The following GSK3B variants were observed in gnomAD, a reference collection of about 807,000 sequenced individuals.
GSK3B encodes glycogen synthase kinase 3 beta, also known as glycogen synthase kinase-3 beta.
Under a neutral mutation model 56.4 loss-of-function variants are expected in GSK3B, and 15 were observed. That is an observed-to-expected ratio of 0.27 (90% CI 0.18 to 0.41). GSK3B has a LOEUF of 0.41. Ranked by LOEUF, GSK3B falls within the 10% of genes least tolerant of loss-of-function variation. The probability of loss-of-function intolerance (pLI) is 1.00; values close to 1 mark genes in which losing one functional copy is unlikely to be tolerated. For synonymous variants in GSK3B, 181 were observed against 188.9 expected, an observed-to-expected ratio of 0.96 and a Z score of 0.34; for missense variants, 300 against 513.4, an observed-to-expected ratio of 0.58 and a Z score of 4.02.
chr3:120,065,714 C>T (rs988092801), intron 1 of GSK3B, among the ~76,000 whole-genome samples: 2 of 152,116 alleles, frequency 1.3e-5, no homozygotes, highest in African/African-American at 4.8e-5. Flanking sequence ...ATGAAAATGT[C>T]CATCAACTGA....
At chr3:119,903,524 G>A (rs1014597179) in intron 7 of GSK3B, among the ~76,000 whole-genome samples, 7 of 152,202 alleles carry the variant, frequency 4.6e-5, no homozygotes, top group African/African-American at 1.7e-4. Context: ...GAAATTATCA[G>A]TAACAAAATA....
At chr3:119,948,244 A>C (rs1576221581) in intron 2 of GSK3B, among the ~76,000 whole-genome samples, 2 of 152,218 alleles carry the variant, frequency 1.3e-5, no homozygotes, top group Non-Finnish European at 2.9e-5. Flanking sequence ...ACACCTGAGA[A>C]TCTGGAAAGG....
chr3:120,053,958 C>G (rs1415831611), intron 1 of GSK3B, among the ~76,000 whole-genome samples: 1 of 152,124 alleles, frequency 6.6e-6, no homozygotes, highest in Non-Finnish European at 1.5e-5. Flanking sequence ...ATGTCTTTAT[C>G]AGCAGCATGA....
chr3:119,852,600 C>T (rs111592254), intron 9 of GSK3B, among the ~76,000 whole-genome samples: 5 of 152,182 alleles, frequency 3.3e-5, no homozygotes, highest in South Asian at 2.1e-4. Context: ...TGCTCACCCC[C>T]GCCTCCCAAA....
intron 1 of GSK3B, among the ~76,000 whole-genome samples, chr3:120,073,818 T>C (rs946674902): frequency 6.6e-6 from 1 of 152,072 alleles, no homozygotes; most frequent in Non-Finnish European, 1.5e-5. Context: ...AAGACTGTGA[T>C]GAAAATTAAA....
intron 1 of GSK3B, among the ~76,000 whole-genome samples, chr3:120,063,727 CAAA>C (rs58811446): frequency 1.2e-4 from 10 of 81,718 alleles, no homozygotes; most frequent in Admixed American, 2.6e-4. Flanking sequence ...GACTCTGTCT[CAAA>C]AAAAAAAAAA....
At chr3:119,838,710 TCTC>T (rs1416721042) in intron 10 of GSK3B, among the ~76,000 whole-genome samples, 1 of 152,200 alleles carries the variant, frequency 6.6e-6, no homozygotes, top group African/African-American at 2.4e-5. Flanking sequence ...TTACATTGGC[TCTC>T]CTTTTTGTTA....
chr3:120,068,975 G>C (rs1174749049), intron 1 of GSK3B, among the ~76,000 whole-genome samples: 2 of 152,004 alleles, frequency 1.3e-5, no homozygotes, highest in African/African-American at 4.8e-5. Flanking sequence ...CCATTCTGCT[G>C]AAATCCAAAT....
At chr3:120,049,614 C>T (rs565618374) in intron 1 of GSK3B, among the ~76,000 whole-genome samples, 1 of 152,224 alleles carries the variant, frequency 6.6e-6, no homozygotes, top group African/African-American at 2.4e-5. Context: ...AGATCTTACA[C>T]CATGATAAAG....
rs115653567 is a variant in GSK3B, at chr3:119,986,537, C to T, written c.282+15509G>A. On this transcript the variant is annotated intron_variant, in intron 2 of 10. Coordinates refer to ENST00000264235, the MANE Select transcript of GSK3B (RefSeq NM_001146156.2). The stretch of plus-strand genomic sequence containing the variant: ...AGTGGGCAACAGATATGAACAGAAA[C>T]TTGTCAAAAGAAGACATCTATGCAG... Among the ~76,000 whole-genome samples, 10 of 151,148 alleles carry T rather than the reference C, an allele frequency of 6.6e-5. No individual in the cohort carries two copies. In the East Asian group the frequency reaches 1.7e-3, roughly 26 times the overall value.
At chr3:119,913,647 A>G (rs941947906) in intron 5 of GSK3B, among the ~76,000 whole-genome samples, 1 of 151,494 alleles carries the variant, frequency 6.6e-6, no homozygotes, top group Non-Finnish European at 1.5e-5. Flanking sequence ...CAAAACAGTA[A>G]AACAGTAAGT....
Position 119,947,281 on chromosome 3 carries a change from G to A in GSK3B, c.353C>T (p.Ser118Phe), listed in dbSNP as rs2057109977. Residue 118 changes from serine to phenylalanine, a missense_variant, in exon 3 of 11, where the codon TCC becomes TTC. This residue lies in a region of GSK3B where 62 missense variants were observed against 84.0 expected (regional missense o/e 0.74). Transcript: ENST00000264235. Reference sequence around the variant, plus strand: ...TGTCAAACCTACCTTCTCACCACTGGAGTAGAAGAAATAACGCAATCGGAC... The same window carrying A: ...TGTCAAACCTACCTTCTCACCACTGAAGTAGAAGAAATAACGCAATCGGAC... The part of the protein sequence containing the change: ...NIVRLRYFFY[S>F]SGEKKDEVYL... The A allele has an allele frequency of 1.3e-6, 2 of 1,574,564 alleles. No individual in the cohort carries two copies. The highest frequency in any genetic ancestry group is 1.3e-5 in the African/African-American group (1 of 74,172).
At chr3:119,895,467 A>G (rs888655732) in intron 7 of GSK3B, among the ~76,000 whole-genome samples, 1 of 152,122 alleles carries the variant, frequency 6.6e-6, no homozygotes, top group Admixed American at 6.6e-5. Context: ...TCATACTGTA[A>G]TTTTATTTTC....
rs554951939 is a variant in GSK3B at position 120,031,725 on chromosome 3, T to C, written c.89-29486A>G. Reference sequence around the variant, plus strand: ...AATATTTAAATCTAAGCCTATACTCTTTCCACTACTTCTTAAGCAACCAGC... The same window carrying C: ...AATATTTAAATCTAAGCCTATACTCCTTCCACTACTTCTTAAGCAACCAGC... On this transcript the variant is annotated intron_variant, in intron 1 of 10. Transcript: ENST00000264235. Among the ~76,000 whole-genome samples, 268 of 152,332 alleles carry C rather than the reference T, an allele frequency of 1.8e-3. 3 individuals are homozygous for C. Among genetic ancestry groups the C allele is most frequent in the South Asian group, 0.013 (63 of 4,826 alleles).
At chr3:119,840,533 T>C (rs1024495969) in intron 10 of GSK3B, among the ~76,000 whole-genome samples, 1 of 152,110 alleles carries the variant, frequency 6.6e-6, no homozygotes, top group African/African-American at 2.4e-5. Context: ...CGAGGACATA[T>C]ATATTTTAAG....
chr3:120,032,064 G>C (rs1267548662), intron 1 of GSK3B, among the ~76,000 whole-genome samples: 4 of 152,098 alleles, frequency 2.6e-5, no homozygotes, highest in Admixed American at 2.6e-4. Context: ...ATGCATAACA[G>C]ATTTTAAGGC....
intron 4 of GSK3B, among the ~76,000 whole-genome samples, chr3:119,917,123 T>A (rs1365735562): frequency 6.6e-6 from 1 of 151,932 alleles, no homozygotes; most frequent in Non-Finnish European, 1.5e-5. Context: ...ATAATAAATA[T>A]CTTGGTAAAA....
intron 10 of GSK3B, among the ~76,000 whole-genome samples, chr3:119,842,100 C>T (rs1698456014): frequency 6.6e-6 from 1 of 152,114 alleles, no homozygotes; most frequent in South Asian, 2.1e-4. Context: ...AAAAAAGGTG[C>T]CAAATTCTGA....
At chr3:120,013,952 C>G (rs2057801801) in intron 1 of GSK3B, among the ~76,000 whole-genome samples, 1 of 150,982 alleles carries the variant, frequency 6.6e-6, no homozygotes, top group South Asian at 2.1e-4. Flanking sequence ...AGTGGATCAC[C>G]TGAGGTCAGG....
Sources: gnomAD v4.1 joint callset for allele counts (sites outside exome capture counted in the v4.1 genomes callset) on GRCh38, gnomAD v4.1.1 for gene constraint, gnomAD v4.1.1 regional missense constraint, MANE v1.5 for transcripts, NCBI Gene and HGNC (gene_info 2026-07-23, HGNC 2026-07-21) for gene names.